Variants in BTD observed in about 807,000 individuals in gnomAD.
BTD encodes the protein biocytinase.
A neutral mutation model predicts 17.7 loss-of-function variants in BTD; 13 were observed. The ratio of observed to expected loss-of-function variants is 0.74; its 90% CI spans 0.48 to 1.17. The LOEUF is 1.17. BTD is among the 50% of genes most tolerant of loss of function. The pLI is 0.00. For missense variants in BTD, 674 were observed against 650.4 expected, an observed-to-expected ratio of 1.04 and a Z score of -0.39; for synonymous variants, 240 against 245.2, an observed-to-expected ratio of 0.98 and a Z score of 0.20.
intron 3 of BTD, chr3:15,667,671 C>G (rs2066052585): frequency 6.6e-6 from 1 of 152,180 alleles, no homozygotes; most frequent in African/African-American, 2.4e-5. Context: ...TTTGGGGTTT[C>G]CCTTCATTGG....
downstream of BTD, chr3:15,713,731 A>G: frequency 4.2e-6 from 3 of 715,912 alleles, no homozygotes; most frequent in Non-Finnish European, 6.7e-6. Flanking sequence ...TGCTGTTCAC[A>G]TACAAACTAA....
chr3:15,718,915 A>G (rs936435512), intron 4 of BTD, among the ~76,000 whole-genome samples: 4 of 152,180 alleles, frequency 2.6e-5, no homozygotes, highest in African/African-American at 9.6e-5. Flanking sequence ...GGAAAAAACT[A>G]ACTTTTCTCC....
chr3:15,720,983 C>A, intron 4 of BTD: 1 of 1,613,904 alleles, frequency 6.2e-7, no homozygotes, highest in Non-Finnish European at 8.5e-7. Context: ...GTTGATGCAG[C>A]AGCAAAGTGC....
chr3:15,712,176 CG>C, exon 4 of BTD: 1 of 1,585,388 alleles, frequency 6.3e-7, no homozygotes, highest in Non-Finnish European at 8.6e-7. Context: ...TCTGAAAAGC[CG>C]CTTAAGGCTG....
intron 3 of BTD, among the ~76,000 whole-genome samples, chr3:15,662,761 A>C (rs930533829): frequency 6.6e-6 from 1 of 151,470 alleles, no homozygotes; most frequent in African/African-American, 2.4e-5. Flanking sequence ...CACCCGCCTG[A>C]GCAGCTGGAA....
chr3:15,618,021 T>C (rs969677311), intron 1 of BTD, among the ~76,000 whole-genome samples: 4 of 152,222 alleles, frequency 2.6e-5, no homozygotes, highest in African/African-American at 9.6e-5. Flanking sequence ...AGTGGCGTGA[T>C]CATAGCTCAC....
intron 3 of BTD, among the ~76,000 whole-genome samples, chr3:15,676,411 A>G (rs2066941107): frequency 6.6e-6 from 1 of 152,230 alleles, no homozygotes. Context: ...TACAAGCATC[A>G]TGACTAATTT....
At chr3:15,601,596 T>C, upstream of BTD, 1 of 1,580,422 alleles carries the variant, frequency 6.3e-7, no homozygotes, top group South Asian at 1.1e-5. Flanking sequence ...ACCAACTGCC[T>C]TAAACAACGG....
intron 3 of BTD, among the ~76,000 whole-genome samples, chr3:15,695,394 G>A (rs1358739636): frequency 6.6e-6 from 1 of 151,996 alleles, no homozygotes; most frequent in Non-Finnish European, 1.5e-5. Flanking sequence ...TATATACATA[G>A]GTCTAAAATT....
intron 3 of BTD, among the ~76,000 whole-genome samples, chr3:15,710,005 G>C (rs960490302): frequency 6.6e-6 from 1 of 150,752 alleles, no homozygotes; most frequent in Non-Finnish European, 1.5e-5. Context: ...AAGAGATTCT[G>C]AGGAGGCTTT....
At chr3:15,706,258 AGGCCCC>A (rs1469513114) in intron 3 of BTD, among the ~76,000 whole-genome samples, 1 of 150,900 alleles carries the variant, frequency 6.6e-6, no homozygotes, top group African/African-American at 2.4e-5. Flanking sequence ...ACCCCATGAC[AGGCCCC>A]GGTGTGTGAT....
At chr3:15,604,015 C>T (rs2064366073) in intron 1 of BTD, among the ~76,000 whole-genome samples, 1 of 152,236 alleles carries the variant, frequency 6.6e-6, no homozygotes, top group Non-Finnish European at 1.5e-5. Flanking sequence ...CTTTTCTAGG[C>T]ACATGGTGCA....
At chr3:15,630,878 G>A (rs200719938) in intron 1 of BTD, among the ~76,000 whole-genome samples, 3 of 152,132 alleles carry the variant, frequency 2.0e-5, no homozygotes, top group African/African-American at 7.2e-5. Context: ...CTGCCCACGC[G>A]AGAACCATTG....
At chr3:15,674,179 A>AG (rs2066683249) in intron 3 of BTD, among the ~76,000 whole-genome samples, 1 of 146,660 alleles carries the variant, frequency 6.8e-6, no homozygotes, top group Admixed American at 6.8e-5. Context: ...CTCTTCAAAA[A>AG]AAAAAAAAAA....
At chr3:15,620,321 C>T (rs1574990476) in intron 1 of BTD, among the ~76,000 whole-genome samples, 1 of 152,092 alleles carries the variant, frequency 6.6e-6, no homozygotes, top group East Asian at 1.9e-4. Flanking sequence ...GTTTATAGAC[C>T]TCCCCCCAGG....
intron 1 of BTD, among the ~76,000 whole-genome samples, chr3:15,617,186 G>A (rs2064818935): frequency 6.6e-6 from 1 of 152,190 alleles, no homozygotes; most frequent in Admixed American, 6.5e-5. Flanking sequence ...AGTTTTAACA[G>A]TTCTTTGATA....
At chr3:15,718,416 T>C (rs1239503628) in intron 4 of BTD, among the ~76,000 whole-genome samples, 4 of 152,200 alleles carry the variant, frequency 2.6e-5, no homozygotes, top group Non-Finnish European at 5.9e-5. Context: ...CTGAGTTTTC[T>C]AAATTATTAA....
exon 4 of BTD, among the ~76,000 whole-genome samples, chr3:15,710,523 C>G (rs144789915): frequency 6.6e-6 from 1 of 152,296 alleles, no homozygotes; most frequent in East Asian, 1.9e-4. Flanking sequence ...ACTCTTGGTT[C>G]AACGTACTCG....
intron 2 of BTD, among the ~76,000 whole-genome samples, chr3:15,640,629 G>C (rs1265293543): frequency 6.6e-6 from 1 of 152,106 alleles, no homozygotes; most frequent in Admixed American, 6.6e-5. Context: ...GAGCTCAGGT[G>C]ATCTGCCCAC....
Sources: allele counts gnomAD v4.1 joint callset (sites outside exome capture counted in the v4.1 genomes callset), GRCh38; gene constraint gnomAD v4.1.1; transcripts MANE v1.5; gene names NCBI Gene and HGNC (gene_info 2026-07-23, HGNC 2026-07-21).